The following GRB10 variants were observed in gnomAD, a reference collection of about 807,000 sequenced individuals.
GRB10 encodes the protein growth factor receptor bound protein 10.
In GRB10, 20 loss-of-function variants were observed where a neutral mutation model predicts 80.9. The ratio of observed to expected loss-of-function variants is 0.25; its 90% CI spans 0.17 to 0.36. The LOEUF is 0.36. Among genes scored for constraint, GRB10 ranks in the 10% least tolerant of loss-of-function variants. GRB10 has a pLI of 1.00. For synonymous variants in GRB10, 291 were observed against 291.5 expected, an observed-to-expected ratio of 1.00 and a Z score of 0.02; for missense variants, 548 against 747.7, an observed-to-expected ratio of 0.73 and a Z score of 3.12.
At chr7:50,722,833 G>T (rs1283367572) in intron 4 of GRB10, among the ~76,000 whole-genome samples, 1 of 152,064 alleles carries the variant, frequency 6.6e-6, no homozygotes, top group African/African-American at 2.4e-5. Context: ...CTTGGGTAGG[G>T]TTATTTTTAA....
chr7:50,649,085 C>G (rs1430461708), intron 7 of GRB10, among the ~76,000 whole-genome samples: 1 of 152,086 alleles, frequency 6.6e-6, no homozygotes, highest in Non-Finnish European at 1.5e-5. Flanking sequence ...TCTATAAAAA[C>G]AAGGCCATCG....
chr7:50,599,647 C>T (rs144998599), intron 17 of GRB10, among the ~76,000 whole-genome samples: 4 of 152,296 alleles, frequency 2.6e-5, no homozygotes, highest in South Asian at 2.1e-4. Context: ...AAGAATAAGA[C>T]GGGCGGCACC....
rs1267722846 is a variant in GRB10, at chr7:50,755,814, C to T, written c.-47+73G>A. Reference sequence around the variant, plus strand: ...ACAGTGACACGCATTCACTGACCACCTTAATCAATACTGAACAGGCGACTC... The same window carrying T: ...ACAGTGACACGCATTCACTGACCACTTTAATCAATACTGAACAGGCGACTC... On this transcript the variant is annotated intron_variant, in intron 3 of 18. Coordinates refer to ENST00000401949, the MANE Select transcript of GRB10 (RefSeq NM_001350814.2). The T allele has an allele frequency of 1.0e-5, 4 of 398,422 alleles. No individual in the cohort carries two copies. In the East Asian group the frequency reaches 1.4e-4, roughly 14 times the overall value. 24.7% of individuals were successfully genotyped at this position (398,422 alleles called of 1,614,324 possible).
At chr7:50,748,874 A>G (rs922260119) in intron 3 of GRB10, among the ~76,000 whole-genome samples, 8 of 152,252 alleles carry the variant, frequency 5.3e-5, no homozygotes, top group African/African-American at 1.7e-4. Context: ...TCCTCAAAAC[A>G]GGGAAAAGCT....
At chr7:50,622,040 G>A (rs541018134) in intron 8 of GRB10, among the ~76,000 whole-genome samples, 4 of 152,150 alleles carry the variant, frequency 2.6e-5, no homozygotes, top group Admixed American at 6.5e-5. Context: ...GCCTCACATC[G>A]AGCTGCAGCC....
intron 2 of GRB10, among the ~76,000 whole-genome samples, chr7:50,759,565 A>G (rs2075514811): frequency 6.6e-6 from 1 of 152,176 alleles, no homozygotes; most frequent in South Asian, 2.1e-4. Flanking sequence ...TGTAAATGCT[A>G]TATTGTTTAT....
intron 5 of GRB10, among the ~76,000 whole-genome samples, chr7:50,678,323 C>A (rs113386689): frequency 0.011 from 1,705 of 152,322 alleles, 35 homozygotes; most frequent in African/African-American, 0.036. Flanking sequence ...TACATTCAAT[C>A]ATGAATATTT....
At chr7:50,631,071 C>A (rs1237342077) in intron 7 of GRB10, among the ~76,000 whole-genome samples, 1 of 152,150 alleles carries the variant, frequency 6.6e-6, no homozygotes, top group Non-Finnish European at 1.5e-5. Flanking sequence ...GTGGCCCCCA[C>A]GGGGTTGTTG....
At chr7:50,614,298 G>A (rs1563159474) in intron 12 of GRB10, among the ~76,000 whole-genome samples, 1 of 152,166 alleles carries the variant, frequency 6.6e-6, no homozygotes, top group African/African-American at 2.4e-5. Context: ...ACGTGTGTGT[G>A]CATGCCAGCA....
chr7:50,753,099 A>C (rs1381622800), intron 3 of GRB10, among the ~76,000 whole-genome samples: 1 of 152,188 alleles, frequency 6.6e-6, no homozygotes, highest in Non-Finnish European at 1.5e-5. Flanking sequence ...GATTCCCCCA[A>C]GTCTAGTGCC....
At chr7:50,730,478 A>G (rs1348173834) in intron 4 of GRB10, among the ~76,000 whole-genome samples, 2 of 152,222 alleles carry the variant, frequency 1.3e-5, no homozygotes, top group Admixed American at 6.5e-5. Flanking sequence ...CCATATTCTG[A>G]GAAATTCTGG....
rs768875049 is a variant in GRB10, at chr7:50,619,321, G to A, written c.662-36C>T. 9 of 1,223,834 alleles carry A rather than the reference G, an allele frequency of 7.4e-6. No homozygotes were observed. The African/African-American group carries it at 1.2e-4, about 16-fold the overall frequency. 75.8% of individuals were successfully genotyped at this position (1,223,834 alleles called of 1,614,324 possible). A position where few individuals can be genotyped will look rare whatever the true frequency, so the allele number is the denominator to read the frequency against. ...AAAGCATCACGTGTGAGACGCAACA[G>A]GTGGGAAATTCATGGTAGCTTTACA... is the stretch of plus-strand genomic sequence containing the variant. On this transcript the variant is annotated intron_variant, in intron 8 of 18. Coordinates refer to ENST00000401949, the MANE Select transcript of GRB10 (RefSeq NM_001350814.2).
intron 5 of GRB10, among the ~76,000 whole-genome samples, chr7:50,685,970 G>C (rs1237615349): frequency 6.6e-6 from 1 of 152,170 alleles, no homozygotes; most frequent in Non-Finnish European, 1.5e-5. Context: ...CAAACCGCCA[G>C]ATGCATGGGG....
At chr7:50,673,483 C>A (rs1229018905) in intron 6 of GRB10, among the ~76,000 whole-genome samples, 1 of 152,166 alleles carries the variant, frequency 6.6e-6, no homozygotes, top group African/African-American at 2.4e-5. Flanking sequence ...ATCCAAGTCA[C>A]CCTCCACACA....
intron 4 of GRB10, among the ~76,000 whole-genome samples, chr7:50,731,064 G>A (rs1213465392): frequency 1.3e-5 from 2 of 152,086 alleles, no homozygotes; most frequent in African/African-American, 2.4e-5. Context: ...ATCAATGGGG[G>A]GAGGCAACCA....
chr7:50,652,452 C>T (rs938860600), intron 7 of GRB10, among the ~76,000 whole-genome samples: 4 of 152,088 alleles, frequency 2.6e-5, no homozygotes, highest in South Asian at 2.1e-4. Flanking sequence ...CAAATTACAC[C>T]AAAGAGGGTG....
Position 50,639,652 on chromosome 7 carries a change from G to A in GRB10, c.505-12674C>T, listed in dbSNP as rs369998281. Among the ~76,000 whole-genome samples the A allele has an allele frequency of 1.2e-4, 18 of 150,428 alleles. No homozygotes were observed. The East Asian group carries it at 2.1e-3, about 18-fold the overall frequency. ...TGCGCCACTGCACTCCAGCTTGGGC[G>A]ACCAGAGCAAGACTCTGTCTCAAAA... On this transcript the variant is annotated intron_variant, in intron 7 of 18. Transcript: ENST00000401949.
intron 2 of GRB10, among the ~76,000 whole-genome samples, chr7:50,769,324 A>C (rs2076725577): frequency 6.6e-6 from 1 of 152,210 alleles, no homozygotes; most frequent in South Asian, 2.1e-4. Context: ...CTAAGTAGTC[A>C]GGAATCTGAC....
chr7:50,660,869 C>A lies in GRB10; in HGVS notation c.504+8853G>T, dbSNP rs144687957. On this transcript the variant is annotated intron_variant, in intron 7 of 18. Coordinates refer to ENST00000401949, the MANE Select transcript of GRB10 (RefSeq NM_001350814.2). ...GGGCCAAGGCCCTGGGGGCTGCAGA[C>A]CCAACCCACTGCAGCCAGCACCCCT... is the stretch of plus-strand genomic sequence containing the variant. Among the ~76,000 whole-genome samples, 1,251 of 152,290 alleles carry A rather than the reference C, an allele frequency of 8.2e-3. 16 individuals are homozygous for A. Among genetic ancestry groups the A allele is most frequent in the African/African-American group, 0.029 (1,193 of 41,574 alleles).
Sources: gnomAD v4.1 joint callset for allele counts (sites outside exome capture counted in the v4.1 genomes callset) on GRCh38, gnomAD v4.1.1 for gene constraint, MANE v1.5 for transcripts, NCBI Gene and HGNC (gene_info 2026-07-23, HGNC 2026-07-21) for gene names.